The following DHX30 variants were observed in gnomAD, a reference collection of about 807,000 sequenced individuals.
DHX30 encodes the protein DExH-box helicase 30.
In DHX30, 4 loss-of-function variants were observed where a neutral mutation model predicts 116.9. That is an observed-to-expected ratio of 0.03 (90% CI 0.02 to 0.08). The LOEUF is 0.08. Ranked by LOEUF, DHX30 falls within the 10% of genes least tolerant of loss-of-function variation. DHX30 has a pLI of 1.00. For synonymous variants in DHX30, 697 were observed against 651.7 expected (o/e 1.07, Z -1.06); for missense variants, 871 against 1,595.1 (o/e 0.55, Z 7.73).
intron 3 of DHX30, among the ~76,000 whole-genome samples, chr3:47,812,806 G>A (rs1356812510): frequency 6.6e-6 from 1 of 150,990 alleles, no homozygotes. Context: ...TGGGACTACA[G>A]GCGTGTGCCA....
intron 3 of DHX30, chr3:47,817,036 A>C: frequency 1.2e-6 from 1 of 805,614 alleles, no homozygotes; most frequent in Non-Finnish European, 1.5e-6. Flanking sequence ...TTTTACTGAT[A>C]TCTTTCTCCT....
At chr3:47,819,098 C>A in intron 4 of DHX30, 2 of 647,752 alleles carry the variant, frequency 3.1e-6, no homozygotes, top group Non-Finnish European at 2.5e-6. Flanking sequence ...CTACTGACAG[C>A]AGGATAGAAA....
rs562924368 is a variant in DHX30, at chr3:47,826,506, C to T, written c.125-841C>T. On this transcript the variant is annotated intron_variant, in intron 4 of 21. Coordinates refer to ENST00000445061, the MANE Select transcript of DHX30 (RefSeq NM_138615.3). The stretch of plus-strand genomic sequence containing the variant: ...TGTTGCCCAGGCTGGATTGCAGTGG[C>T]GCGATCTTGCCTCACTACAACCTCC... Among the ~76,000 whole-genome samples the T allele has an allele frequency of 1.1e-3, 159 of 145,892 alleles. 1 individual carries two copies. Among genetic ancestry groups the T allele is most frequent in the Middle Eastern group, 3.7e-3 (1 of 268 alleles).
At chr3:47,843,058 T>C in intron 8 of DHX30, 48 bp from the exon 9 acceptor site, 1 of 1,606,502 alleles carries the variant, frequency 6.2e-7, no homozygotes, top group Non-Finnish European at 8.5e-7. Context: ...CCCAAGTCTC[T>C]TCCCATTCCC....
At chr3:47,803,891 T>C (rs1024216450) in intron 1 of DHX30, among the ~76,000 whole-genome samples, 3 of 152,090 alleles carry the variant, frequency 2.0e-5, no homozygotes, top group Non-Finnish European at 4.4e-5. Context: ...GCAACATTGG[T>C]CACTTGAATT....
chr3:47,806,451 C>G (rs1208529776), intron 2 of DHX30, among the ~76,000 whole-genome samples: 1 of 120,220 alleles, frequency 8.3e-6, no homozygotes, highest in African/African-American at 3.1e-5. Context: ...CAATTTTTTT[C>G]TTTTTTTTTT....
chr3:47,823,247 A>G (rs1576478614), intron 4 of DHX30, among the ~76,000 whole-genome samples: 2 of 151,932 alleles, frequency 1.3e-5, no homozygotes, highest in Non-Finnish European at 2.9e-5. Flanking sequence ...CCCATGACAC[A>G]TGGGAATTAT....
intron 3 of DHX30, among the ~76,000 whole-genome samples, chr3:47,813,236 G>A (rs919487505): frequency 2.6e-5 from 4 of 152,100 alleles, no homozygotes; most frequent in Admixed American, 1.3e-4. Context: ...CCAGCTACTC[G>A]GGAGGCTGAG....
chr3:47,812,284 G>A (rs1304913695), intron 3 of DHX30, among the ~76,000 whole-genome samples: 3 of 150,884 alleles, frequency 2.0e-5, no homozygotes, highest in South Asian at 2.1e-4. Flanking sequence ...GAGGCTGGGC[G>A]CAGTGGCTCA....
At position 47,848,498 on chromosome 3, in the gene DHX30, C is replaced by T. The variant is rs1342503827; in HGVS notation, c.2523C>T (p.Asp841=). Reference sequence around the variant, plus strand: ...TGGAGTTCCTGTCCAAGGCTGTGGACAGTCCAAACATCAAGGCAGTGGACG... The same window carrying T: ...TGGAGTTCCTGTCCAAGGCTGTGGATAGTCCAAACATCAAGGCAGTGGACG... The part of the protein sequence containing the change: ...TAVEFLSKAV[D]SPNIKAVDEA... Residue 841 remains aspartate (D), a synonymous_variant, in exon 16 of 22, where the codon GAC becomes GAT. Transcript: ENST00000445061. The surrounding 1 kb of genome is among the most constrained non-coding windows in gnomAD (Gnocchi z 9.4). 6.2e-7 allele frequency: 1 copy of T among 1,613,720 alleles called. No homozygotes were observed. The highest frequency in any genetic ancestry group is 1.1e-5 in the South Asian group (1 of 91,062).
At chr3:47,825,303 A>G (rs1456974445) in intron 4 of DHX30, 18 of 546,148 alleles carry the variant, frequency 3.3e-5, no homozygotes, top group Non-Finnish European at 4.5e-5. Flanking sequence ...CTGGGATGGC[A>G]GAGCTAGGGG....
chr3:47,811,391 G>T (rs2035782065), intron 3 of DHX30, among the ~76,000 whole-genome samples: 1 of 152,014 alleles, frequency 6.6e-6, no homozygotes, highest in South Asian at 2.1e-4. Context: ...AGTCTATTCT[G>T]AATTAATCAT....
chr3:47,848,223 T>A lies in DHX30; in HGVS notation c.2330T>A (p.Ile777Asn), dbSNP rs766511972. The A allele has an allele frequency of 2.3e-5, 37 of 1,613,514 alleles. No individual in the cohort carries two copies. Among genetic ancestry groups the A allele is most frequent in the Non-Finnish European group, 3.1e-5 (37 of 1,180,020 alleles). ...GTGTGGGTATCAAGAGCCAATGTGA[T>A]CCAGCGCCGGGGCCGGGCGGGCCGC... ...ETVWVSRANV[I>N]QRRGRAGRCQ... The change falls in exon 15 of 22, where the codon ATC becomes AAC. Residue 777 changes from isoleucine (I) to asparagine (N), a missense_variant. Ile to Asn is a moderately radical substitution (Grantham distance 149). Around this residue, in one of 13 missense-constraint regions of DHX30, gnomAD observed 20 missense variants for 82.2 expected, o/e 0.24. Coordinates refer to ENST00000445061, the MANE Select transcript of DHX30 (RefSeq NM_138615.3). The surrounding 1 kb of genome is among the most constrained non-coding windows in gnomAD (Gnocchi z 9.4).
chr3:47,847,520 G>A lies in DHX30; in HGVS notation c.2094G>A (p.Lys698=), dbSNP rs757552081. 17 of 1,610,132 alleles carry A rather than the reference G, an allele frequency of 1.1e-5. No individual in the cohort carries two copies. The East Asian group carries it at 3.1e-4, about 30-fold the overall frequency. ...LQEALGMHES[K]YLILPVHSNI... is the part of the protein sequence containing the mutation. ...AGGCCCTGGGCATGCACGAGAGCAA[G>A]TACCTCATCCTGCCAGGTGAGAGCC... is the stretch of plus-strand genomic sequence containing the variant. The change falls in exon 13 of 22, where the codon AAG becomes AAA. Residue 698 remains lysine (K), a synonymous_variant. Coordinates refer to ENST00000445061, the MANE Select transcript of DHX30 (RefSeq NM_138615.3). The surrounding 1 kb of genome is among the most constrained non-coding windows in gnomAD (Gnocchi z 5.5).
chr3:47,845,913 A>T (rs1244863926), intron 10 of DHX30, 61 bp downstream of exon 10: 1 of 1,542,422 alleles, frequency 6.5e-7, no homozygotes, highest in Non-Finnish European at 8.7e-7. Flanking sequence ...ATCTCTCCAG[A>T]CTGAAGGCCT....
At chr3:47,830,397 G>T (rs1156907732) in intron 6 of DHX30, among the ~76,000 whole-genome samples, 2 of 151,378 alleles carry the variant, frequency 1.3e-5, no homozygotes, top group African/African-American at 4.9e-5. Flanking sequence ...GCAGTGAGTC[G>T]AGATCACACC....
chr3:47,840,035 C>T (rs567714643), intron 6 of DHX30, among the ~76,000 whole-genome samples: 7 of 145,884 alleles, frequency 4.8e-5, no homozygotes, highest in East Asian at 2.1e-4. Flanking sequence ...CTTGCTCTGT[C>T]GCCCAGGTTG....
rs973304135 is a variant in DHX30 at position 47,833,346 on chromosome 3, G to A, written c.366+4212G>A. Among the ~76,000 whole-genome samples, 4 of 151,332 alleles carry A rather than the reference G, an allele frequency of 2.6e-5. No individual in the cohort carries two copies. In the South Asian group the frequency reaches 8.4e-4, roughly 32 times the overall value. On this transcript the variant is annotated intron_variant, in intron 6 of 21. Transcript: ENST00000445061. ...TTGAGACAAGCCTGGGCAACAGGGC[G>A]AAAAGCCTTTTTTGTATTTTATAAA...
chr3:47,823,425 G>A (rs1167759566), intron 4 of DHX30, among the ~76,000 whole-genome samples: 6 of 150,196 alleles, frequency 4.0e-5, no homozygotes, highest in African/African-American at 7.3e-5. Context: ...GTGCAGTGGC[G>A]CAATCTCGGC....
Sources: gnomAD v4.1 joint callset for allele counts (sites outside exome capture counted in the v4.1 genomes callset) on GRCh38, gnomAD v4.1.1 for gene constraint, gnomAD v4.1.1 regional missense constraint, Gnocchi (gnomAD v3.1) non-coding constraint, MANE v1.5 for transcripts, NCBI Gene and HGNC (gene_info 2026-07-23, HGNC 2026-07-21) for gene names.